The following INTU variants were observed in gnomAD, a reference collection of about 807,000 sequenced individuals.
The protein encoded by INTU is inturned planar cell polarity protein.
Under a neutral mutation model 100.5 loss-of-function variants are expected in INTU, and 68 were observed. The ratio of observed to expected loss-of-function variants is 0.68; its 90% CI spans 0.56 to 0.83. The LOEUF (loss-of-function observed/expected upper bound fraction) is 0.83. Among genes scored for constraint, INTU ranks in the 40% least tolerant of loss-of-function variants. The pLI is 0.00. For synonymous variants in INTU, 357 were observed against 395.7 expected (o/e 0.90, Z 1.16); for missense variants, 1,071 against 1,114.7 (o/e 0.96, Z 0.56).
chr4:127,681,147 A>G (rs1243109325), intron 6 of INTU, among the ~76,000 whole-genome samples: 1 of 152,104 alleles, frequency 6.6e-6, no homozygotes, highest in African/African-American at 2.4e-5. Flanking sequence ...TGGGTAGGAA[A>G]AATCAATATC....
rs1731306669 is a variant in INTU, at chr4:127,718,898, G to A, written c.*2462G>A. ...GAAGCTTTTGGGCTGAGACAATGGG[G>A]TTTTCTAGATATAGGATAATGTCCT... On this transcript the variant is annotated 3_prime_UTR_variant, in exon 16 of 16. Coordinates refer to ENST00000335251, the MANE Select transcript of INTU (RefSeq NM_015693.4). The A allele has an allele frequency of 6.6e-6, 1 of 152,154 alleles. No homozygotes were observed. The highest frequency in any genetic ancestry group is 2.4e-5 in the African/African-American group (1 of 41,434). The allele number at this position is 152,154 out of a possible 1,614,324, so 9.4% of individuals were successfully genotyped here.
chr4:127,711,736 T>A (rs1252319498), intron 14 of INTU, among the ~76,000 whole-genome samples: 1 of 152,220 alleles, frequency 6.6e-6, no homozygotes, highest in Non-Finnish European at 1.5e-5. Flanking sequence ...CCTGATGATC[T>A]GAGGTAGAAC....
At chr4:127,660,420 A>G (rs1728426329) in intron 3 of INTU, among the ~76,000 whole-genome samples, 1 of 152,166 alleles carries the variant, frequency 6.6e-6, no homozygotes, top group East Asian at 1.9e-4. Flanking sequence ...GGAAAGGACA[A>G]CACATGCAGA....
In INTU at chr4:127,705,673, T is replaced by C; in HGVS notation, c.1649T>C (p.Leu550Ser). ...TGTCGCCACTATTGCCTGCTGCCTT[T>C]AGCAGCAAAACAAAGAATTGGTCAG... The part of the protein sequence containing the change: ...VYCRHYCLLP[L>S]AAKQRIGQLI... The change falls in exon 11 of 16, where the codon TTA (leucine) becomes TCA (serine). Residue 550 changes from leucine to serine, a missense_variant. Transcript: ENST00000335251. The C allele has an allele frequency of 1.2e-6, 2 of 1,613,796 alleles. No homozygotes were observed. Among genetic ancestry groups the C allele is most frequent in the Non-Finnish European group, 1.7e-6 (2 of 1,179,692 alleles).
At chr4:127,689,760 G>T (rs1400229360) in intron 8 of INTU, among the ~76,000 whole-genome samples, 1 of 151,634 alleles carries the variant, frequency 6.6e-6, no homozygotes, top group Non-Finnish European at 1.5e-5. Context: ...GGAGGGAAGA[G>T]GCAAGGGAAG....
At chr4:127,684,313 A>G in intron 6 of INTU, 96 bp from the exon 7 acceptor site, 1 of 697,792 alleles carries the variant, frequency 1.4e-6, no homozygotes, top group Non-Finnish European at 2.5e-6. Context: ...TACTTTTCAC[A>G]TTCCGTATGT....
chr4:127,716,753 G>T lies in INTU; in HGVS notation c.*317G>T. ...GTGTTTTTTATATCAGATTAATATA[G>T]GAAATGTTTATTCTTGAAAAATACT... On this transcript the variant is annotated 3_prime_UTR_variant, in exon 16 of 16. Coordinates refer to ENST00000335251, the MANE Select transcript of INTU (RefSeq NM_015693.4). The T allele has an allele frequency of 6.1e-6, 1 of 163,666 alleles. No individual in the cohort carries two copies. Among genetic ancestry groups the T allele is most frequent in the South Asian group, 2.0e-4 (1 of 4,936 alleles). 10.1% of individuals were successfully genotyped at this position (163,666 alleles called of 1,614,324 possible). A position where few individuals can be genotyped will look rare whatever the true frequency, so the allele number is the denominator to read the frequency against.
At chr4:127,690,766 A>T (rs953090932) in intron 8 of INTU, among the ~76,000 whole-genome samples, 10 of 152,130 alleles carry the variant, frequency 6.6e-5, no homozygotes, top group African/African-American at 2.4e-4. Flanking sequence ...CCCATACATC[A>T]TACATGCATA....
intron 8 of INTU, among the ~76,000 whole-genome samples, chr4:127,688,980 T>TC (rs1560865460): frequency 7.3e-6 from 1 of 136,060 alleles, no homozygotes; most frequent in Admixed American, 7.4e-5. Flanking sequence ...TCTTTTTTTT[T>TC]TTTTTTTTTT....
intron 1 of INTU, among the ~76,000 whole-genome samples, chr4:127,640,123 G>A (rs893548773): frequency 3.3e-5 from 5 of 152,096 alleles, no homozygotes; most frequent in African/African-American, 7.2e-5. Flanking sequence ...TCTAGTAAAA[G>A]CAAGAGGAAG....
intron 1 of INTU, among the ~76,000 whole-genome samples, chr4:127,640,179 A>G (rs928441432): frequency 6.6e-6 from 1 of 152,136 alleles, no homozygotes; most frequent in African/African-American, 2.4e-5. Flanking sequence ...GAACAACATT[A>G]TTGTATTTTC....
At chr4:127,647,751 A>G (rs1280730854) in intron 2 of INTU, among the ~76,000 whole-genome samples, 1 of 152,176 alleles carries the variant, frequency 6.6e-6, no homozygotes, top group Admixed American at 6.5e-5. Context: ...CAATTAAGCA[A>G]AAAAGAAAAA....
chr4:127,705,758 C>T lies in INTU; in HGVS notation c.1734C>T (p.Ser578=), dbSNP rs751298877. The part of the protein sequence containing the change: ...QHHLRPLADS[S]TEVFPEPEGR... ...ACCTCCGACCTTTGGCAGACTCAAG[C>T]ACTGAAGTCTTTCCGGAACCTGAAG... Residue 578 remains serine, a synonymous_variant, in exon 11 of 16, where the codon AGC becomes AGT. Transcript: ENST00000335251. The T allele has an allele frequency of 2.2e-5, 35 of 1,613,966 alleles. No individual in the cohort carries two copies. In the East Asian group the frequency reaches 5.6e-4, roughly 26 times the overall value.
chr4:127,684,907 G>C (rs1321239495), intron 7 of INTU, among the ~76,000 whole-genome samples: 1 of 151,768 alleles, frequency 6.6e-6, no homozygotes, highest in Admixed American at 6.6e-5. Context: ...AAATGTAAGA[G>C]TATTTCTTCA....
intron 6 of INTU, among the ~76,000 whole-genome samples, chr4:127,681,861 A>C (rs558622190): frequency 6.6e-6 from 1 of 152,280 alleles, no homozygotes; most frequent in East Asian, 1.9e-4. Flanking sequence ...TCATCTGACA[A>C]AGGGCTAATA....
intron 4 of INTU, among the ~76,000 whole-genome samples, chr4:127,665,086 T>C (rs13126673): frequency 0.6 from 91,019 of 151,202 alleles, 28,160 homozygotes; most frequent in African/African-American, 0.73. Context: ...TACACCTTAG[T>C]TTCAGTTACC....
intron 3 of INTU, among the ~76,000 whole-genome samples, chr4:127,661,371 T>A (rs1229680829): frequency 1.3e-5 from 2 of 151,964 alleles, no homozygotes. Flanking sequence ...TTTTTTTATT[T>A]TTGGTAGGTT....
chr4:127,688,198 T>C (rs1729919918), intron 8 of INTU, among the ~76,000 whole-genome samples: 1 of 151,124 alleles, frequency 6.6e-6, no homozygotes, highest in African/African-American at 2.5e-5. Context: ...TAGAATTATG[T>C]TTCTGTACAA....
intron 3 of INTU, among the ~76,000 whole-genome samples, chr4:127,662,171 G>A (rs1395504781): frequency 6.6e-6 from 1 of 152,024 alleles, no homozygotes; most frequent in Non-Finnish European, 1.5e-5. Context: ...TAGAGATTCT[G>A]AATATTAGTT....
Sources: allele counts gnomAD v4.1 joint callset (sites outside exome capture counted in the v4.1 genomes callset), GRCh38; gene constraint gnomAD v4.1.1; transcripts MANE v1.5; gene names NCBI Gene and HGNC (gene_info 2026-07-23, HGNC 2026-07-21).